ZNF366: variants seen among roughly 807,000 people sequenced by gnomAD.
The protein encoded by ZNF366 is zinc finger protein 366.
In ZNF366, 20 loss-of-function variants were observed where a neutral mutation model predicts 47.2. That is an observed-to-expected ratio of 0.42 (90% CI 0.30 to 0.62). ZNF366 has a LOEUF of 0.62. Among genes scored for constraint, ZNF366 ranks in the 20% least tolerant of loss-of-function variants. The pLI is 0.16. For missense variants in ZNF366, 987 were observed against 976.3 expected, an observed-to-expected ratio of 1.01 and a Z score of -0.15; for synonymous variants, 421 against 395.1, an observed-to-expected ratio of 1.07 and a Z score of -0.78.
At chr5:72,447,493 C>A (rs776353703) in intron 3 of ZNF366, 76 bp from the exon 4 acceptor site, 7 of 1,535,620 alleles carry the variant, frequency 4.6e-6, no homozygotes, top group Non-Finnish European at 6.2e-6. Context: ...AGCACAGATA[C>A]CGTTTCTACT....
At chr5:72,471,198 T>G (rs1453437188) in intron 1 of ZNF366, among the ~76,000 whole-genome samples, 1 of 152,248 alleles carries the variant, frequency 6.6e-6, no homozygotes, top group Non-Finnish European at 1.5e-5. Flanking sequence ...CAGATGGGTC[T>G]GTGACCCCAC....
At chr5:72,494,611 T>C (rs1170800046) in intron 1 of ZNF366, among the ~76,000 whole-genome samples, 1 of 151,694 alleles carries the variant, frequency 6.6e-6, no homozygotes, top group Non-Finnish European at 1.5e-5. Flanking sequence ...AGAGATTTTT[T>C]TTTTTTTTTT....
chr5:72,489,652 A>G (rs1356200169), intron 1 of ZNF366, among the ~76,000 whole-genome samples: 5 of 152,226 alleles, frequency 3.3e-5, no homozygotes, highest in African/African-American at 9.6e-5. Flanking sequence ...GTTGTTTTCA[A>G]TTTGAGAAGA....
chr5:72,492,179 T>C (rs1419706799), intron 1 of ZNF366, among the ~76,000 whole-genome samples: 16 of 152,222 alleles, frequency 1.1e-4, no homozygotes, highest in Admixed American at 9.8e-4. Context: ...TTTGTTTCAT[T>C]TGATCCCAGT....
intron 3 of ZNF366, among the ~76,000 whole-genome samples, chr5:72,448,809 G>GACT (rs1290991740): frequency 6.6e-6 from 1 of 152,124 alleles, no homozygotes; most frequent in Non-Finnish European, 1.5e-5. Context: ...AGAGTAGATA[G>GACT]ACCTCTCAAA....
intron 1 of ZNF366, chr5:72,494,092 T>C (rs1230885193): frequency 6.6e-6 from 1 of 152,058 alleles, no homozygotes; most frequent in Non-Finnish European, 1.5e-5. Context: ...ATTTAATCAA[T>C]GAATGAGTTA....
chr5:72,444,295 C>G lies in ZNF366; in HGVS notation c.1700-4G>C, dbSNP rs780564971. Reference sequence around the variant, plus strand: ...GCGATTCTCCCCCTTCCCAGACCTGCAAGAGCAGAGTAAGAATTCATGCAC... The same window carrying G: ...GCGATTCTCCCCCTTCCCAGACCTGGAAGAGCAGAGTAAGAATTCATGCAC... On this transcript the variant is annotated splice_region_variant and splice_polypyrimidine_tract_variant and intron_variant, in intron 4 of 4. Transcript: ENST00000318442. The G allele has an allele frequency of 1.2e-6, 2 of 1,602,488 alleles. No homozygotes were observed. Among genetic ancestry groups the G allele is most frequent in the South Asian group, 2.2e-5 (2 of 89,540 alleles).
Position 72,443,981 on chromosome 5 carries a change from T to G in ZNF366, c.2010A>C (p.Ala670=). ...TCCTCTTCTCCCATTCTCCCTTGGA[T>G]GCATCCTCCTTCTCCTCCTTGCAGG... ...EEACKEEKED[A]SKGEWEKRSK... is the part of the protein sequence containing the mutation. The change falls in exon 5 of 5, where the codon GCA becomes GCC. Residue 670 remains alanine, a synonymous_variant. Transcript: ENST00000318442. 6.2e-7 allele frequency: 1 copy of G among 1,614,198 alleles called. No individual in the cohort carries two copies. Among genetic ancestry groups the G allele is most frequent in the Non-Finnish European group, 8.5e-7 (1 of 1,180,026 alleles).
intron 4 of ZNF366, among the ~76,000 whole-genome samples, chr5:72,446,252 C>A (rs887830695): frequency 6.6e-6 from 1 of 152,228 alleles, no homozygotes; most frequent in Non-Finnish European, 1.5e-5. Context: ...ATAACACAGT[C>A]TCTTTCACGG....
At chr5:72,454,884 G>A (rs758467934) in intron 3 of ZNF366, among the ~76,000 whole-genome samples, 6 of 152,196 alleles carry the variant, frequency 3.9e-5, no homozygotes, top group African/African-American at 9.7e-5. Flanking sequence ...GGAGTCCATC[G>A]CTGCATGCAG....
intron 1 of ZNF366, among the ~76,000 whole-genome samples, chr5:72,469,604 C>T (rs1743516158): frequency 6.6e-6 from 1 of 151,992 alleles, no homozygotes; most frequent in African/African-American, 2.4e-5. Context: ...TCGTAGATAC[C>T]AGCATTTTTG....
intron 1 of ZNF366, among the ~76,000 whole-genome samples, chr5:72,504,759 A>G (rs1580258259): frequency 6.6e-6 from 1 of 152,020 alleles, no homozygotes; most frequent in East Asian, 1.9e-4. Flanking sequence ...TATGACCCTT[A>G]AAAAATATAT....
intron 1 of ZNF366, among the ~76,000 whole-genome samples, chr5:72,468,748 T>A (rs1743486627): frequency 1.3e-5 from 2 of 152,068 alleles, no homozygotes; most frequent in Non-Finnish European, 2.9e-5. Context: ...AAAGCAGGAG[T>A]GAATATAATT....
At position 72,443,968 on chromosome 5, in the gene ZNF366, A is replaced by T; in HGVS notation, c.2023T>A (p.Trp675Arg). Reference sequence around the variant, plus strand: ...AGGTCACCCTTGCTCCTCTTCTCCCATTCTCCCTTGGATGCATCCTCCTTC... The same window carrying T: ...AGGTCACCCTTGCTCCTCTTCTCCCTTTCTCCCTTGGATGCATCCTCCTTC... Reference protein sequence around the residue: ...EEKEDASKGEWEKRSKGDLGA... With the variant: ...EEKEDASKGEREKRSKGDLGA... Residue 675 changes from tryptophan to arginine, a missense_variant, in exon 5 of 5, where the codon TGG (tryptophan) becomes AGG (arginine). Around this residue, in one of 3 missense-constraint regions of ZNF366, gnomAD observed 285 missense variants for 234.8 expected, o/e 1.21. Coordinates refer to ENST00000318442, the MANE Select transcript of ZNF366 (RefSeq NM_152625.3). The T allele has an allele frequency of 6.2e-7, 1 of 1,613,882 alleles. No homozygotes were observed. The highest frequency in any genetic ancestry group is 8.5e-7 in the Non-Finnish European group (1 of 1,179,970).
At chr5:72,451,959 A>T (rs1176680866) in intron 3 of ZNF366, among the ~76,000 whole-genome samples, 1 of 152,086 alleles carries the variant, frequency 6.6e-6, no homozygotes, top group East Asian at 1.9e-4. Context: ...CTTGCCATGA[A>T]CCCCAGTGGC....
In ZNF366 at chr5:72,494,812, T is replaced by C. The variant is rs150335029; in HGVS notation, c.-15+12439A>G. On this transcript the variant is annotated intron_variant, in intron 1 of 4. Transcript: ENST00000318442. ...CGTTTGATTTGAAGCAGCAACTCAT[T>C]TTTGTCGAATGACTACTATGGCAAG... Among the ~76,000 whole-genome samples, 1,425 of 152,214 alleles carry C rather than the reference T, an allele frequency of 9.4e-3. 5 individuals carry two copies. Among genetic ancestry groups the C allele is most frequent in the Middle Eastern group, 0.017 (5 of 294 alleles).
rs1742858039 is a variant in ZNF366 at position 72,441,777 on chromosome 5, A to AGTGT, written c.*1978_*1979insACAC. 6.6e-6 allele frequency: 1 copy of AGTGT among 152,266 alleles called. No homozygotes were observed. The highest frequency in any genetic ancestry group is 1.5e-5 in the Non-Finnish European group (1 of 68,060). The allele number at this position is 152,266 out of a possible 1,614,324, so 9.4% of individuals were successfully genotyped here. On this transcript the variant is annotated 3_prime_UTR_variant, in exon 5 of 5. Coordinates refer to ENST00000318442, the MANE Select transcript of ZNF366 (RefSeq NM_152625.3). ...TACTGGGAAATCTGGGATAGGATGA[A>AGTGT]GCACAATAATAACCAGTACCTAGCT...
intron 1 of ZNF366, among the ~76,000 whole-genome samples, chr5:72,472,758 G>C (rs1743596830): frequency 6.6e-6 from 1 of 152,180 alleles, no homozygotes; most frequent in Non-Finnish European, 1.5e-5. Flanking sequence ...TCAAGGGTGA[G>C]CCCTGTAGAT....
Position 72,461,129 on chromosome 5 carries a change from T to C in ZNF366, c.368A>G (p.Lys123Arg), listed in dbSNP as rs760499882. The change falls in exon 2 of 5, where the codon AAG becomes AGG. Residue 123 changes from lysine (K) to arginine (R), a missense_variant. Coordinates refer to ENST00000318442, the MANE Select transcript of ZNF366 (RefSeq NM_152625.3). ...PLLFPQPPRP[K>R]YDSQMIDLCN... ...CAGGTCGATCATCTGAGAGTCATAC[T>C]TGGGGCGCGGGGGCTGCGGGAACAG... is the stretch of plus-strand genomic sequence containing the variant. 5.6e-6 allele frequency: 9 copies of C among 1,613,964 alleles called. 1 individual carries two copies. The South Asian group carries it at 8.8e-5, about 16-fold the overall frequency.
Sources: gnomAD v4.1 joint callset for allele counts (sites outside exome capture counted in the v4.1 genomes callset) on GRCh38, gnomAD v4.1.1 for gene constraint, gnomAD v4.1.1 regional missense constraint, MANE v1.5 for transcripts, NCBI Gene and HGNC (gene_info 2026-07-23, HGNC 2026-07-21) for gene names.